Variants in JPH3 observed in about 807,000 individuals in gnomAD.
The protein encoded by JPH3 is junctophilin-3.
A neutral mutation model predicts 59.6 loss-of-function variants in JPH3; 11 were observed. That is an observed-to-expected ratio of 0.18 (90% CI 0.12 to 0.31). JPH3 has a LOEUF of 0.31. Ranked by LOEUF, JPH3 falls within the 10% of genes least tolerant of loss-of-function variation. The probability of loss-of-function intolerance (pLI) is 1.00; values close to 1 mark genes in which losing one functional copy is unlikely to be tolerated. For synonymous variants in JPH3, 673 were observed against 483.6 expected (o/e 1.39, Z -5.14); for missense variants, 1,202 against 1,105.7 (o/e 1.09, Z -1.24).
intron 1 of JPH3, among the ~76,000 whole-genome samples, chr16:87,643,237 C>T (rs1391731027): frequency 6.6e-6 from 1 of 152,224 alleles, no homozygotes; most frequent in African/African-American, 2.4e-5. Context: ...CTTTTCAAGG[C>T]TGAATGATGT....
At chr16:87,689,516 A>T in intron 3 of JPH3, 130 bp from the exon 4 acceptor site, 1 of 978,526 alleles carries the variant, frequency 1.0e-6, no homozygotes, top group Non-Finnish European at 1.5e-6. Flanking sequence ...CCTTGCCTGC[A>T]GCCTTTCGGT....
chr16:87,676,746 G>T (rs1486194088), intron 2 of JPH3, among the ~76,000 whole-genome samples: 2 of 148,022 alleles, frequency 1.4e-5, no homozygotes, highest in African/African-American at 5.2e-5. Context: ...AAAAAAAATT[G>T]TTATCTCAGC....
At position 87,690,475 on chromosome 16, in the gene JPH3, T is replaced by A; in HGVS notation, c.2115T>A (p.Pro705=). 1.3e-6 allele frequency: 2 copies of A among 1,488,454 alleles called. No homozygotes were observed. Among genetic ancestry groups the A allele is most frequent in the South Asian group, 2.8e-5 (2 of 70,510 alleles). The allele number at this position is 1,488,454 out of a possible 1,614,324, so 92.2% of individuals were successfully genotyped here. The change falls in exon 4 of 5, where the codon CCT becomes CCA. Residue 705 remains proline (P), a synonymous_variant. Coordinates refer to ENST00000284262, the MANE Select transcript of JPH3 (RefSeq NM_020655.4). ...TCTCCCCGCCCCAGAAATCCTTGCC[T>A]GTCGCTCTAGAGTCCGACGAGGAGA... ...LTFSPPQKSL[P]VALESDEENG...
At chr16:87,674,404 C>G (rs191061858) in intron 2 of JPH3, among the ~76,000 whole-genome samples, 53 of 152,342 alleles carry the variant, frequency 3.5e-4, no homozygotes, top group Admixed American at 6.5e-4. Flanking sequence ...GTCCAGGTTT[C>G]TAGCATGTGA....
intron 2 of JPH3, among the ~76,000 whole-genome samples, chr16:87,651,819 T>C (rs2032332685): frequency 6.6e-6 from 1 of 152,260 alleles, no homozygotes; most frequent in African/African-American, 2.4e-5. Flanking sequence ...GTTCCTTCAA[T>C]TTAGTTGATA....
intron 1 of JPH3, among the ~76,000 whole-genome samples, chr16:87,605,653 C>G (rs1463275850): frequency 6.6e-6 from 1 of 152,244 alleles, no homozygotes; most frequent in Non-Finnish European, 1.5e-5. Flanking sequence ...GCTCCCTCAG[C>G]ATCCTGCTCC....
chr16:87,616,474 T>A (rs2030975542), intron 1 of JPH3, among the ~76,000 whole-genome samples: 1 of 151,580 alleles, frequency 6.6e-6, no homozygotes. Flanking sequence ...ATGGTCTTGA[T>A]CTCCTGACCT....
intron 1 of JPH3, among the ~76,000 whole-genome samples, chr16:87,637,489 GGTGTTGGGCCTGAA>G (rs2031795741): frequency 6.6e-6 from 1 of 151,764 alleles, no homozygotes; most frequent in African/African-American, 2.4e-5. Flanking sequence ...ATTTTGCGCC[GGTGTTGGGCCTGAA>G]GTGTGTCCTG....
chr16:87,638,146 C>T (rs11117289), intron 1 of JPH3, among the ~76,000 whole-genome samples: 40,511 of 152,060 alleles, frequency 0.27, 5,750 homozygotes, highest in South Asian at 0.39. Context: ...TCTCGAACTC[C>T]TGACCTCAGG....
In JPH3 at chr16:87,603,537, C is replaced by G. The variant is rs1338081075; in HGVS notation, c.382+9C>G. The stretch of plus-strand genomic sequence containing the variant: ...GACCTACTCGGACGGAGGTAGGTGC[C>G]GCGGGCCGGGCCGGGCCGGGGCGGG... On this transcript the variant is annotated intron_variant, in intron 1 of 4. Coordinates refer to ENST00000284262, the MANE Select transcript of JPH3 (RefSeq NM_020655.4). The G allele has an allele frequency of 1.9e-6, 3 of 1,545,744 alleles. No homozygotes were observed. The highest frequency in any genetic ancestry group is 1.2e-5 in the South Asian group (1 of 83,622).
intron 2 of JPH3, among the ~76,000 whole-genome samples, chr16:87,681,006 C>T (rs534171117): frequency 3.3e-5 from 5 of 152,306 alleles, no homozygotes; most frequent in African/African-American, 1.2e-4. Flanking sequence ...GAGGTCTGAA[C>T]AGCCGGGGAA....
chr16:87,652,891 C>G (rs1335772456), intron 2 of JPH3, among the ~76,000 whole-genome samples: 1 of 152,218 alleles, frequency 6.6e-6, no homozygotes, highest in African/African-American at 2.4e-5. Flanking sequence ...TTCTTCCTGC[C>G]CTGCACCCAC....
chr16:87,626,412 C>T (rs942119120), intron 1 of JPH3, among the ~76,000 whole-genome samples: 1 of 152,246 alleles, frequency 6.6e-6, no homozygotes, highest in Non-Finnish European at 1.5e-5. Context: ...CTGGGGCTCT[C>T]CTCCCAGCAC....
intron 2 of JPH3, among the ~76,000 whole-genome samples, chr16:87,662,259 C>G (rs935058369): frequency 6.6e-6 from 1 of 152,148 alleles, no homozygotes; most frequent in Non-Finnish European, 1.5e-5. Context: ...GCCCCTCTGC[C>G]TGGGGAGGTG....
intron 1 of JPH3, among the ~76,000 whole-genome samples, chr16:87,633,805 A>T (rs76069994): frequency 2.7e-5 from 4 of 145,556 alleles, no homozygotes; most frequent in Admixed American, 1.3e-4. Context: ...TGCGAAAAAT[A>T]AAAAAAATCT....
At chr16:87,609,681 C>T (rs528535544) in intron 1 of JPH3, among the ~76,000 whole-genome samples, 4 of 152,140 alleles carry the variant, frequency 2.6e-5, no homozygotes, top group Non-Finnish European at 4.4e-5. Context: ...GGTGCACAGC[C>T]GAAGGCAGGC....
At chr16:87,669,909 C>T (rs2032971222) in intron 2 of JPH3, among the ~76,000 whole-genome samples, 1 of 152,106 alleles carries the variant, frequency 6.6e-6, no homozygotes, top group African/African-American at 2.4e-5. Context: ...TCGGTGAGGG[C>T]CGGACTGCAC....
chr16:87,657,690 A>T (rs1233251203), intron 2 of JPH3, among the ~76,000 whole-genome samples: 2 of 152,136 alleles, frequency 1.3e-5, no homozygotes, highest in African/African-American at 4.8e-5. Context: ...GAGCCAGTCC[A>T]TCTCTGGGGT....
intron 1 of JPH3, among the ~76,000 whole-genome samples, chr16:87,643,117 C>T (rs2032010052): frequency 6.6e-6 from 1 of 152,198 alleles, no homozygotes; most frequent in Non-Finnish European, 1.5e-5. Context: ...CTCTAAGGAC[C>T]CCGTGTACAT....
Sources: gnomAD v4.1 joint callset for allele counts (sites outside exome capture counted in the v4.1 genomes callset) on GRCh38, gnomAD v4.1.1 for gene constraint, MANE v1.5 for transcripts, NCBI Gene and HGNC (gene_info 2026-07-23, HGNC 2026-07-21) for gene names.